Variants in OPCML observed in about 807,000 individuals in gnomAD.
OPCML encodes the protein opioid-binding protein/cell adhesion molecule.
OPCML carries 13 observed loss-of-function variants against 37.8 expected under a neutral mutation model. The ratio of observed to expected loss-of-function variants is 0.34; its 90% CI spans 0.22 to 0.55. The LOEUF (loss-of-function observed/expected upper bound fraction) is 0.55, where lower values mean the gene tolerates loss of function less well. Among genes scored for constraint, OPCML ranks in the 20% least tolerant of loss-of-function variants. The probability of loss-of-function intolerance (pLI) is 0.91; values close to 1 mark genes in which losing one functional copy is unlikely to be tolerated. For synonymous variants in OPCML, 176 were observed against 168.8 expected (o/e 1.04, Z -0.33); for missense variants, 341 against 435.6 (o/e 0.78, Z 1.93).
At chr11:132,478,219 C>G (rs913305115) in intron 4 of OPCML, among the ~76,000 whole-genome samples, 1 of 152,154 alleles carries the variant, frequency 6.6e-6, no homozygotes, top group African/African-American at 2.4e-5. Context: ...TAAGTTTAAA[C>G]TGTGTTCTTC....
In OPCML at chr11:133,210,459, G is replaced by T. The variant is rs547804878; in HGVS notation, c.62-267449C>A. ...AATTCAGATCCCTTTTTCTGGTCTG[G>T]GTTCTTTCTCTGATGAAGTTCCCTT... On this transcript the variant is annotated intron_variant, in intron 1 of 7. Coordinates refer to ENST00000524381, the MANE Select transcript of OPCML (RefSeq NM_001012393.5). Among the ~76,000 whole-genome samples, 93 of 152,038 alleles carry T rather than the reference G, an allele frequency of 6.1e-4. 1 individual carries two copies. The highest frequency in any genetic ancestry group is 2.2e-3 in the African/African-American group (91 of 41,454).
intron 1 of OPCML, among the ~76,000 whole-genome samples, chr11:133,328,860 G>T (rs951486616): frequency 6.6e-6 from 1 of 152,142 alleles, no homozygotes; most frequent in Non-Finnish European, 1.5e-5. Context: ...AGGAAATAAA[G>T]GGTATTCAAT....
chr11:132,653,710 T>C (rs145730579), intron 3 of OPCML, among the ~76,000 whole-genome samples: 1 of 152,304 alleles, frequency 6.6e-6, no homozygotes, highest in Admixed American at 6.5e-5. Flanking sequence ...GGAAAGTTGG[T>C]GGCAGAGTGT....
intron 1 of OPCML, chr11:133,300,019 CG>C (rs886534042): frequency 1.4e-4 from 22 of 152,298 alleles, no homozygotes; most frequent in African/African-American, 5.1e-4. Flanking sequence ...GCACATGCCA[CG>C]GTCCTTTCTT....
At position 132,593,529 on chromosome 11, in the gene OPCML, A is replaced by G. The variant is rs578171670; in HGVS notation, c.379+63558T>C. On this transcript the variant is annotated intron_variant, in intron 3 of 7. Coordinates refer to ENST00000524381, the MANE Select transcript of OPCML (RefSeq NM_001012393.5). ...TATTTAAAGAAGAGATCTGCTTTCA[A>G]TGTTGAAAATGGATGGAGGTAGAAG... 2.7e-4 allele frequency among the ~76,000 whole-genome samples: 41 copies of G among 152,322 alleles called. No homozygotes were observed. The South Asian group carries it at 6.0e-3, about 22-fold the overall frequency.
At chr11:132,797,373 A>G (rs780393437) in intron 2 of OPCML, among the ~76,000 whole-genome samples, 3 of 152,220 alleles carry the variant, frequency 2.0e-5, no homozygotes, top group Non-Finnish European at 4.4e-5. Flanking sequence ...TCCTTCTCCA[A>G]TTGAATTGTT....
At chr11:132,946,136 A>AG (rs1455226874) in intron 1 of OPCML, among the ~76,000 whole-genome samples, 1 of 152,170 alleles carries the variant, frequency 6.6e-6, no homozygotes, top group African/African-American at 2.4e-5. Context: ...ACATTAGCCT[A>AG]GGCCTACATG....
At position 132,858,589 on chromosome 11, in the gene OPCML, C is replaced by A. The variant is rs78917068; in HGVS notation, c.146+84337G>T. Among the ~76,000 whole-genome samples, 4 of 152,228 alleles carry A rather than the reference C, an allele frequency of 2.6e-5. No homozygotes were observed. The South Asian group carries it at 6.2e-4, about 24-fold the overall frequency. ...GATTTCCCAGAGGCCCCTTTCTTCC[C>A]GGGGGGTGAGGAGAACTTTGGCTCA... On this transcript the variant is annotated intron_variant, in intron 2 of 7. Transcript: ENST00000524381.
chr11:133,345,642 C>G (rs1375017965), intron 1 of OPCML, among the ~76,000 whole-genome samples: 1 of 152,132 alleles, frequency 6.6e-6, no homozygotes, highest in Non-Finnish European at 1.5e-5. Context: ...TGCACTAAAC[C>G]AAGATGTGCT....
At chr11:132,653,325 GC>G (rs1209858653) in intron 3 of OPCML, among the ~76,000 whole-genome samples, 8 of 152,144 alleles carry the variant, frequency 5.3e-5, no homozygotes, top group African/African-American at 7.2e-5. Flanking sequence ...TTTCAGGTAG[GC>G]CCACGGTCAC....
intron 1 of OPCML, among the ~76,000 whole-genome samples, chr11:133,105,993 A>AG (rs1328385121): frequency 2.9e-5 from 2 of 68,806 alleles, no homozygotes; most frequent in Non-Finnish European, 5.8e-5. Flanking sequence ...AAAATAAAAA[A>AG]AAAAAGAAAA....
chr11:133,238,605 C>T (rs1940611805), intron 1 of OPCML, among the ~76,000 whole-genome samples: 1 of 152,156 alleles, frequency 6.6e-6, no homozygotes, highest in Admixed American at 6.5e-5. Flanking sequence ...TACCCACCCA[C>T]CTGCAAGTGC....
chr11:133,163,088 C>T (rs1397117674), intron 1 of OPCML, among the ~76,000 whole-genome samples: 3 of 152,220 alleles, frequency 2.0e-5, no homozygotes, highest in Non-Finnish European at 4.4e-5. Context: ...TGTGAGATGA[C>T]ATTGGTGCAG....
At chr11:132,472,945 C>T (rs1371982987) in intron 4 of OPCML, among the ~76,000 whole-genome samples, 1 of 152,218 alleles carries the variant, frequency 6.6e-6, no homozygotes, top group Non-Finnish European at 1.5e-5. Flanking sequence ...CCCCAAACCA[C>T]CAGGGGATTC....
intron 1 of OPCML, among the ~76,000 whole-genome samples, chr11:133,322,018 G>A (rs1333537094): frequency 6.6e-6 from 1 of 151,976 alleles, no homozygotes; most frequent in Non-Finnish European, 1.5e-5. Context: ...CAACACATGC[G>A]GTTTCATATT....
At chr11:133,050,639 G>A (rs2136964519) in intron 1 of OPCML, among the ~76,000 whole-genome samples, 1 of 152,098 alleles carries the variant, frequency 6.6e-6, no homozygotes, top group African/African-American at 2.4e-5. Context: ...ACCATTTCCT[G>A]GATGTAGGCC....
chr11:132,836,928 T>A (rs1591678457), intron 2 of OPCML, among the ~76,000 whole-genome samples: 1 of 151,994 alleles, frequency 6.6e-6, no homozygotes. Flanking sequence ...CCTACATATG[T>A]AAATGCCAAA....
At chr11:132,878,023 AT>A (rs1172862977) in intron 2 of OPCML, among the ~76,000 whole-genome samples, 1 of 152,206 alleles carries the variant, frequency 6.6e-6, no homozygotes, top group Non-Finnish European at 1.5e-5. Flanking sequence ...TCTACTAAAA[AT>A]ACAACAAATT....
At chr11:132,953,094 G>A (rs935494598) in intron 1 of OPCML, among the ~76,000 whole-genome samples, 2 of 152,056 alleles carry the variant, frequency 1.3e-5, no homozygotes, top group African/African-American at 4.8e-5. Flanking sequence ...TCAGCCCCTA[G>A]CCTACTCTTT....
Sources: allele counts gnomAD v4.1 joint callset (sites outside exome capture counted in the v4.1 genomes callset), GRCh38; gene constraint gnomAD v4.1.1; transcripts MANE v1.5; gene names NCBI Gene and HGNC (gene_info 2026-07-23, HGNC 2026-07-21).